The following ZFPM2 variants were observed in gnomAD, a reference collection of about 807,000 sequenced individuals.
ZFPM2 encodes zinc finger protein ZFPM2.
A neutral mutation model predicts 98.6 loss-of-function variants in ZFPM2; 20 were observed. The ratio of observed to expected loss-of-function variants is 0.20; its 90% CI spans 0.14 to 0.29. ZFPM2 has a LOEUF of 0.29. Among genes scored for constraint, ZFPM2 ranks in the 10% least tolerant of loss-of-function variants. The pLI, the probability that ZFPM2 is intolerant of heterozygous loss-of-function variation, is 1.00. For synonymous variants in ZFPM2, 518 were observed against 502.7 expected, an observed-to-expected ratio of 1.03 and a Z score of -0.41; for missense variants, 1,310 against 1,388.6, an observed-to-expected ratio of 0.94 and a Z score of 0.90.
At chr8:105,616,737 T>G (rs1817023) in intron 4 of ZFPM2, 59,082 of 325,802 alleles carry the variant, frequency 0.18, 5,652 homozygotes, top group South Asian at 0.19. Flanking sequence ...CACACCATAG[T>G]TTGGGTGCGG....
At chr8:105,331,529 T>C (rs1812233939) in intron 1 of ZFPM2, among the ~76,000 whole-genome samples, 1 of 151,750 alleles carries the variant, frequency 6.6e-6, no homozygotes, top group Non-Finnish European at 1.5e-5. Flanking sequence ...AGAAATAATC[T>C]CTTATGTATT....
intron 1 of ZFPM2, among the ~76,000 whole-genome samples, chr8:105,404,505 T>C (rs779180752): frequency 2.6e-5 from 4 of 152,048 alleles, no homozygotes; most frequent in Non-Finnish European, 4.4e-5. Flanking sequence ...TCAGCACGTA[T>C]GAATCTGAAT....
At chr8:105,334,204 A>G (rs1359939021) in intron 1 of ZFPM2, among the ~76,000 whole-genome samples, 2 of 149,730 alleles carry the variant, frequency 1.3e-5, no homozygotes, top group African/African-American at 4.9e-5. Flanking sequence ...TAATATTGCC[A>G]TTATAATTAT....
chr8:105,771,576 G>A (rs1171628640), intron 5 of ZFPM2, among the ~76,000 whole-genome samples: 2 of 152,092 alleles, frequency 1.3e-5, no homozygotes, highest in African/African-American at 4.8e-5. Context: ...TGCAACAGAA[G>A]GCCATACAAG....
chr8:105,598,114 T>C (rs1816011724), intron 4 of ZFPM2, among the ~76,000 whole-genome samples: 1 of 149,664 alleles, frequency 6.7e-6, no homozygotes, highest in East Asian at 2.1e-4. Flanking sequence ...TTCTGCAGCA[T>C]TGGCCCAGAA....
intron 5 of ZFPM2, among the ~76,000 whole-genome samples, chr8:105,686,533 T>C (rs1810739649): frequency 2.0e-5 from 3 of 152,128 alleles, no homozygotes; most frequent in African/African-American, 7.2e-5. Context: ...ACAACACATG[T>C]TTGAAACATA....
chr8:105,782,054 TG>T (rs1259077323), intron 5 of ZFPM2, among the ~76,000 whole-genome samples: 2 of 152,184 alleles, frequency 1.3e-5, no homozygotes, highest in African/African-American at 4.8e-5. Context: ...TGTGTGACTT[TG>T]AACAACTTAC....
intron 3 of ZFPM2, among the ~76,000 whole-genome samples, chr8:105,478,782 C>T (rs1319148486): frequency 6.6e-6 from 1 of 152,176 alleles, no homozygotes; most frequent in African/African-American, 2.4e-5. Context: ...CCAGCTTGGG[C>T]GTGAGAAGCA....
At chr8:105,608,638 G>T (rs1447475033) in intron 4 of ZFPM2, among the ~76,000 whole-genome samples, 1 of 139,924 alleles carries the variant, frequency 7.1e-6, no homozygotes, top group East Asian at 2.2e-4. Context: ...GGGTAAATGT[G>T]TAGGGAAATT....
intron 3 of ZFPM2, among the ~76,000 whole-genome samples, chr8:105,522,484 A>G (rs1814084654): frequency 6.6e-6 from 1 of 152,186 alleles, no homozygotes; most frequent in Non-Finnish European, 1.5e-5. Context: ...TTGAAAATAT[A>G]TTTATGGCTG....
chr8:105,424,795 C>T (rs769852873), intron 2 of ZFPM2, among the ~76,000 whole-genome samples: 1 of 152,166 alleles, frequency 6.6e-6, no homozygotes, highest in Non-Finnish European at 1.5e-5. Flanking sequence ...AGACCTTCTT[C>T]TCAGAACTGG....
intron 5 of ZFPM2, among the ~76,000 whole-genome samples, chr8:105,648,225 G>A (rs1486548222): frequency 1.3e-5 from 2 of 152,086 alleles, no homozygotes; most frequent in African/African-American, 2.4e-5. Flanking sequence ...TGATGGGGTT[G>A]TTTGCTTTTT....
intron 3 of ZFPM2, among the ~76,000 whole-genome samples, chr8:105,476,350 T>C (rs1813011849): frequency 6.6e-6 from 1 of 152,174 alleles, no homozygotes; most frequent in Non-Finnish European, 1.5e-5. Context: ...TAGATTCTCA[T>C]GGGAGCCTGA....
chr8:105,511,100 C>A (rs1813808981), intron 3 of ZFPM2, among the ~76,000 whole-genome samples: 1 of 152,290 alleles, frequency 6.6e-6, no homozygotes, highest in South Asian at 2.1e-4. Context: ...AATCTTCCCA[C>A]TGAGCAAGAA....
At chr8:105,558,680 C>T (rs34797928) in intron 3 of ZFPM2, among the ~76,000 whole-genome samples, 20,690 of 152,088 alleles carry the variant, frequency 0.14, 1,541 homozygotes, top group Non-Finnish European at 0.17. Flanking sequence ...TGAAATATGT[C>T]AGTGGCAGAA....
chr8:105,649,140 A>T (rs1311921756), intron 5 of ZFPM2, among the ~76,000 whole-genome samples: 1 of 152,152 alleles, frequency 6.6e-6, no homozygotes, highest in Non-Finnish European at 1.5e-5. Flanking sequence ...CTTTGAAGCA[A>T]TTGTGAATGG....
chr8:105,730,776 C>CT (rs201573898), intron 5 of ZFPM2, among the ~76,000 whole-genome samples: 1,993 of 124,298 alleles, frequency 0.016, 54 homozygotes, highest in Admixed American at 0.073. Flanking sequence ...TTTCTTTTTT[C>CT]TTTTTTTTTT....
chr8:105,560,618 G>A (rs1311657390), intron 3 of ZFPM2, among the ~76,000 whole-genome samples: 1 of 112,854 alleles, frequency 8.9e-6, no homozygotes, highest in African/African-American at 3.3e-5. Flanking sequence ...TTATTTATTT[G>A]TATATTATTC....
intron 3 of ZFPM2, among the ~76,000 whole-genome samples, chr8:105,534,197 C>G (rs1814390418): frequency 1.2e-5 from 1 of 86,386 alleles, no homozygotes; most frequent in African/African-American, 5.0e-5. Context: ...CCCTTCCTCC[C>G]TCCCTCCCTT....
Sources: allele counts gnomAD v4.1 joint callset (sites outside exome capture counted in the v4.1 genomes callset), GRCh38; gene constraint gnomAD v4.1.1; transcripts MANE v1.5; gene names NCBI Gene and HGNC (gene_info 2026-07-23, HGNC 2026-07-21).